ADAM22: variants seen among roughly 807,000 people sequenced by gnomAD.
ADAM22 encodes ADAM metallopeptidase domain 22, also known as disintegrin and metalloproteinase domain-containing protein 22.
A neutral mutation model predicts 144.6 loss-of-function variants in ADAM22; 65 were observed. That is an observed-to-expected ratio of 0.45 (90% CI 0.37 to 0.55). The LOEUF (loss-of-function observed/expected upper bound fraction) is 0.55. ADAM22 is among the 20% of genes least tolerant of loss of function. ADAM22 has a pLI of 0.00. For synonymous variants in ADAM22, 391 were observed against 412.6 expected (o/e 0.95, Z 0.63); for missense variants, 974 against 1,184.9 (o/e 0.82, Z 2.61).
intron 3 of ADAM22, among the ~76,000 whole-genome samples, chr7:88,041,521 T>G (rs78923223): frequency 0.019 from 2,893 of 152,100 alleles, 92 homozygotes; most frequent in African/African-American, 0.066. Flanking sequence ...TCATTTTATC[T>G]TAAATCTGTC....
chr7:88,172,176 G>A (rs1261758594), intron 26 of ADAM22, among the ~76,000 whole-genome samples: 1 of 151,806 alleles, frequency 6.6e-6, no homozygotes, highest in Admixed American at 6.6e-5. Flanking sequence ...CAGACACCCT[G>A]TATAGCATAA....
chr7:88,061,839 CTTTT>C (rs60313970), intron 3 of ADAM22, among the ~76,000 whole-genome samples: 5 of 112,030 alleles, frequency 4.5e-5, no homozygotes, highest in Admixed American at 1.0e-4. Flanking sequence ...CTCTCTCTCT[CTTTT>C]TTTTTTTTTT....
intron 3 of ADAM22, among the ~76,000 whole-genome samples, chr7:88,067,111 A>G (rs950384908): frequency 2.0e-5 from 3 of 152,106 alleles, no homozygotes; most frequent in African/African-American, 7.2e-5. Context: ...CCCTTAAAAA[A>G]CTACAAAACA....
At chr7:88,020,695 G>A (rs921977025) in intron 3 of ADAM22, among the ~76,000 whole-genome samples, 2 of 152,174 alleles carry the variant, frequency 1.3e-5, no homozygotes, top group Non-Finnish European at 2.9e-5. Flanking sequence ...CCTGAGATCA[G>A]CAGATTATTT....
intron 25 of ADAM22, 24 bp downstream of exon 25, chr7:88,168,251 T>A (rs902108986): frequency 1.9e-6 from 3 of 1,593,218 alleles, no homozygotes; most frequent in Admixed American, 1.7e-5. Context: ...CTCAGTCTTG[T>A]TACTATTGAA....
chr7:87,992,028 T>C (rs1790025684), intron 3 of ADAM22, among the ~76,000 whole-genome samples: 1 of 152,244 alleles, frequency 6.6e-6, no homozygotes, highest in Non-Finnish European at 1.5e-5. Context: ...AAATGCTCTC[T>C]GTGTTCAAGC....
intron 2 of ADAM22, among the ~76,000 whole-genome samples, chr7:87,974,152 A>G (rs1851280224): frequency 6.6e-6 from 1 of 151,234 alleles, no homozygotes. Context: ...AAATACAAAA[A>G]AATTAGCCAG....
chr7:87,985,585 C>T (rs762619025), intron 3 of ADAM22, among the ~76,000 whole-genome samples: 139 of 152,108 alleles, frequency 9.1e-4, no homozygotes, highest in Non-Finnish European at 1.7e-3. Flanking sequence ...ACTATGTATT[C>T]TTGTATGTGG....
chr7:88,123,594 T>C (rs1829789835), intron 7 of ADAM22, among the ~76,000 whole-genome samples: 1 of 151,990 alleles, frequency 6.6e-6, no homozygotes, highest in African/African-American at 2.4e-5. Context: ...GCTGATCAAT[T>C]TTATTGATTT....
At chr7:87,966,902 A>G (rs191720234) in intron 2 of ADAM22, among the ~76,000 whole-genome samples, 1 of 151,850 alleles carries the variant, frequency 6.6e-6, no homozygotes, top group African/African-American at 2.4e-5. Context: ...CCCACATCTC[A>G]TCTTGAATTG....
chr7:88,133,142 T>G (rs1832206974), intron 12 of ADAM22, among the ~76,000 whole-genome samples, 191 bp downstream of exon 12: 1 of 152,016 alleles, frequency 6.6e-6, no homozygotes, highest in Non-Finnish European at 1.5e-5. Context: ...GTGGACAAAT[T>G]GCTTGAGATG....
chr7:88,101,447 A>C (rs902346417), intron 4 of ADAM22, among the ~76,000 whole-genome samples: 1 of 152,112 alleles, frequency 6.6e-6, no homozygotes, highest in African/African-American at 2.4e-5. Flanking sequence ...AGCATGACCA[A>C]ACCATTCCTA....
At chr7:88,142,747 A>T (rs1006783835) in intron 14 of ADAM22, among the ~76,000 whole-genome samples, 1 of 152,080 alleles carries the variant, frequency 6.6e-6, no homozygotes, top group Non-Finnish European at 1.5e-5. Flanking sequence ...CTGAGGCAGG[A>T]GAATGGCGTG....
At chr7:88,119,768 C>T (rs182583590) in intron 7 of ADAM22, among the ~76,000 whole-genome samples, 59 of 152,248 alleles carry the variant, frequency 3.9e-4, no homozygotes, top group African/African-American at 1.4e-3. Context: ...GGATTACTGG[C>T]ATGAGCCACT....
chr7:88,189,385 G>A (rs1169186542), intron 30 of ADAM22, among the ~76,000 whole-genome samples: 1 of 152,136 alleles, frequency 6.6e-6, no homozygotes, highest in Non-Finnish European at 1.5e-5. Flanking sequence ...GAAAAGAAAC[G>A]AATAATTACA....
chr7:87,981,241 T>A (rs1853329843), intron 3 of ADAM22, among the ~76,000 whole-genome samples: 1 of 152,158 alleles, frequency 6.6e-6, no homozygotes, highest in Non-Finnish European at 1.5e-5. Flanking sequence ...GTTTATGATG[T>A]GAAATATATA....
chr7:87,934,689 A>C, intron 1 of ADAM22, 139 bp downstream of exon 1: 2 of 787,130 alleles, frequency 2.5e-6, no homozygotes, highest in Non-Finnish European at 3.7e-6. Context: ...TTAATTCGGG[A>C]GGGTGGTGAG....
chr7:88,150,198 A>G (rs1007447232), intron 18 of ADAM22, among the ~76,000 whole-genome samples: 3 of 151,992 alleles, frequency 2.0e-5, no homozygotes, highest in Non-Finnish European at 2.9e-5. Flanking sequence ...ACAGTCAGCA[A>G]TTTTTTTCTG....
At chr7:88,160,850 C>G (rs1169786090) in intron 22 of ADAM22, among the ~76,000 whole-genome samples, 1 of 152,032 alleles carries the variant, frequency 6.6e-6, no homozygotes, top group Non-Finnish European at 1.5e-5. Context: ...TCATTCTCAG[C>G]AAACTACCAC....
Sources: gnomAD v4.1 joint callset for allele counts (sites outside exome capture counted in the v4.1 genomes callset) on GRCh38, gnomAD v4.1.1 for gene constraint, MANE v1.5 for transcripts, NCBI Gene and HGNC (gene_info 2026-07-23, HGNC 2026-07-21) for gene names.